CLVS1: variants seen among roughly 807,000 people sequenced by gnomAD.
CLVS1 encodes clavesin-1.
A neutral mutation model predicts 33.1 loss-of-function variants in CLVS1; 10 were observed. The observed-to-expected ratio is 0.30, with a 90% CI of 0.19 to 0.51. The LOEUF (loss-of-function observed/expected upper bound fraction) is 0.51. Among genes scored for constraint, CLVS1 ranks in the 20% least tolerant of loss-of-function variants. CLVS1 has a pLI of 0.97. For synonymous variants in CLVS1, 163 were observed against 166.1 expected, an observed-to-expected ratio of 0.98 and a Z score of 0.14; for missense variants, 343 against 433.4, an observed-to-expected ratio of 0.79 and a Z score of 1.85.
intron 3 of CLVS1, among the ~76,000 whole-genome samples, chr8:61,450,081 T>C (rs148242146): frequency 2.1e-4 from 32 of 152,306 alleles, no homozygotes; most frequent in African/African-American, 6.3e-4. Context: ...TAGATCATGG[T>C]ATTATGCTCT....
chr8:61,290,721 T>A lies in CLVS1; in HGVS notation c.-152+2583T>A, dbSNP rs567942797. On this transcript the variant is annotated intron_variant, in intron 1 of 5. Coordinates refer to ENST00000325897, the MANE Select transcript of CLVS1 (RefSeq NM_173519.3). ...CTTTGATCTTCTCTACTCTTCCTGT[T>A]ACACAGTGACTTAGACAGAGGAGGC... 2.6e-5 allele frequency among the ~76,000 whole-genome samples: 4 copies of A among 152,326 alleles called. No homozygotes were observed. The East Asian group carries it at 5.8e-4, about 22-fold the overall frequency.
the CLVS1 span, among the ~76,000 whole-genome samples, chr8:61,005,674 A>T: frequency 6.6e-6 from 1 of 152,222 alleles, no homozygotes; most frequent in Non-Finnish European, 1.5e-5. Context: ...AACTGCCGAG[A>T]TATTTAAAAA....
chr8:61,087,575 T>C (rs1190655510), intron 1 of CLVS1, among the ~76,000 whole-genome samples: 1 of 152,130 alleles, frequency 6.6e-6, no homozygotes, highest in East Asian at 1.9e-4. Context: ...TACTGTGACG[T>C]GCCTGGTGGG....
intron 2 of CLVS1, among the ~76,000 whole-genome samples, chr8:61,357,260 G>A (rs1812751695): frequency 1.3e-5 from 2 of 152,010 alleles, no homozygotes; most frequent in Admixed American, 1.3e-4. Context: ...ATTCTACAGG[G>A]CACATGGCAT....
chr8:61,229,056 CTT>C (rs1808383240), intron 2 of CLVS1, among the ~76,000 whole-genome samples: 1 of 152,206 alleles, frequency 6.6e-6, no homozygotes, highest in Non-Finnish European at 1.5e-5. Flanking sequence ...CATCCCAACA[CTT>C]ACCTTACATC....
intron 2 of CLVS1, among the ~76,000 whole-genome samples, chr8:61,206,454 T>C (rs1807842906): frequency 6.6e-6 from 1 of 152,234 alleles, no homozygotes; most frequent in Non-Finnish European, 1.5e-5. Flanking sequence ...CTAATTAATA[T>C]TTTATTCAGC....
At chr8:61,169,673 C>T (rs1806953697) in intron 2 of CLVS1, among the ~76,000 whole-genome samples, 1 of 152,148 alleles carries the variant, frequency 6.6e-6, no homozygotes. Context: ...CAGTTAATTC[C>T]CCTAAAATTA....
At chr8:61,454,075 TC>T in intron 3 of CLVS1, 65 bp from the exon 4 acceptor site, 1 of 1,095,688 alleles carries the variant, frequency 9.1e-7, no homozygotes, top group South Asian at 1.2e-5. Context: ...GGGGCATTGG[TC>T]CTGCTGGTCC....
chr8:60,989,257 T>C, the CLVS1 span, among the ~76,000 whole-genome samples: 525 of 152,248 alleles, frequency 3.4e-3, 5 homozygotes, highest in African/African-American at 0.012. Flanking sequence ...CTCGGCTCAC[T>C]GCAATCTCCA....
the CLVS1 span, among the ~76,000 whole-genome samples, chr8:61,019,095 C>T: frequency 6.6e-6 from 1 of 152,230 alleles, no homozygotes; most frequent in African/African-American, 2.4e-5. Flanking sequence ...CTCCTTCTAG[C>T]ATTTAGTAAA....
intron 2 of CLVS1, among the ~76,000 whole-genome samples, chr8:61,156,542 A>G (rs1261256590): frequency 2.0e-5 from 3 of 152,246 alleles, no homozygotes; most frequent in Non-Finnish European, 4.4e-5. Context: ...AATACAATTT[A>G]TAGAGGATGT....
intron 1 of CLVS1, among the ~76,000 whole-genome samples, chr8:61,087,629 G>C (rs772209758): frequency 6.6e-6 from 1 of 152,156 alleles, no homozygotes; most frequent in Non-Finnish European, 1.5e-5. Context: ...GAACGTTGAA[G>C]ATGCCCTAAT....
chr8:61,321,416 G>C (rs901795523), intron 2 of CLVS1, among the ~76,000 whole-genome samples: 3 of 151,774 alleles, frequency 2.0e-5, no homozygotes, highest in Admixed American at 6.6e-5. Flanking sequence ...TCTTCTGGAT[G>C]CCTATAAGAT....
chr8:60,990,125 CAAAAAAAAAAAAAA>C, the CLVS1 span, among the ~76,000 whole-genome samples: 1,105 of 38,348 alleles, frequency 0.029, 32 homozygotes, highest in African/African-American at 0.1. Context: ...ACTCCATCTC[CAAAAAAAAAAAAAA>C]AAAAAAAAAA....
At chr8:61,009,594 G>T in the CLVS1 span, among the ~76,000 whole-genome samples, 46 of 152,174 alleles carry the variant, frequency 3.0e-4, no homozygotes, top group Non-Finnish European at 3.8e-4. Context: ...CCCCTTGCCC[G>T]ATTTTGGCAG....
At chr8:61,268,262 C>A (rs1468982662) in intron 2 of CLVS1, among the ~76,000 whole-genome samples, 1 of 149,362 alleles carries the variant, frequency 6.7e-6, no homozygotes, top group South Asian at 2.1e-4. Context: ...TGAGAATATG[C>A]GGTGTTTGGT....
At chr8:60,988,204 C>G in the CLVS1 span, among the ~76,000 whole-genome samples, 1 of 152,080 alleles carries the variant, frequency 6.6e-6, no homozygotes, top group Non-Finnish European at 1.5e-5. Context: ...AACTGGAGAG[C>G]TTTTCAAAAA....
At chr8:61,360,906 A>T (rs916214243) in intron 2 of CLVS1, among the ~76,000 whole-genome samples, 28 of 151,944 alleles carry the variant, frequency 1.8e-4, no homozygotes, top group African/African-American at 4.6e-4. Flanking sequence ...TAATTTATTT[A>T]AAAAAAAGGT....
At chr8:61,461,441 T>C (rs1231063975) in intron 5 of CLVS1, among the ~76,000 whole-genome samples, 5 of 152,214 alleles carry the variant, frequency 3.3e-5, no homozygotes. Context: ...TCTTAGTGCC[T>C]CAAACTAGAT....
Sources: allele counts gnomAD v4.1 joint callset (sites outside exome capture counted in the v4.1 genomes callset), GRCh38; gene constraint gnomAD v4.1.1; transcripts MANE v1.5; gene names NCBI Gene and HGNC (gene_info 2026-07-23, HGNC 2026-07-21).